The following FOXK2 variants were observed in gnomAD, a reference collection of about 807,000 sequenced individuals.
FOXK2 encodes the protein forkhead box protein K2.
Under a neutral mutation model 53.3 loss-of-function variants are expected in FOXK2, and 24 were observed. That is an observed-to-expected ratio of 0.45 (90% confidence interval 0.33 to 0.63). FOXK2 has a LOEUF of 0.63. FOXK2 is among the 30% of genes least tolerant of loss of function. The pLI is 0.03. For synonymous variants in FOXK2, 505 were observed against 407.1 expected, an observed-to-expected ratio of 1.24 and a Z score of -2.89; for missense variants, 952 against 910.5, an observed-to-expected ratio of 1.05 and a Z score of -0.59.
chr17:82,571,959 T>C (rs983765486), intron 4 of FOXK2, 89 bp downstream of exon 4: 1 of 1,330,508 alleles, frequency 7.5e-7, no homozygotes. Flanking sequence ...AGGCACAGGA[T>C]AGGAAGGTAG....
intron 1 of FOXK2, among the ~76,000 whole-genome samples, chr17:82,547,135 G>A (rs2044634277): frequency 6.6e-6 from 1 of 151,618 alleles, no homozygotes; most frequent in Non-Finnish European, 1.5e-5. Flanking sequence ...CTCTTATAGT[G>A]TATACTGTCT....
At chr17:82,587,482 G>C (rs1047533608) in intron 8 of FOXK2, 2 of 590,610 alleles carry the variant, frequency 3.4e-6, no homozygotes, top group Non-Finnish European at 3.0e-6. Flanking sequence ...TGCCTGAAAA[G>C]AGATGAGAGT....
chr17:82,546,118 T>TG (rs1313053856), intron 1 of FOXK2, among the ~76,000 whole-genome samples: 2 of 143,326 alleles, frequency 1.4e-5, no homozygotes, highest in African/African-American at 5.2e-5. Flanking sequence ...TGGTTGGTTT[T>TG]TTTTTTTTTT....
intron 4 of FOXK2, among the ~76,000 whole-genome samples, chr17:82,573,556 TCTCTCTCACACACACA>T (rs1433127011): frequency 9.5e-4 from 111 of 116,556 alleles, no homozygotes; most frequent in South Asian, 7.7e-3. Flanking sequence ...TCTCTCTCTC[TCTCTCTCACACACACA>T]CACACACACA....
In FOXK2 at chr17:82,534,237, C is replaced by CCT. The variant is rs552183902; in HGVS notation, c.419+13932_419+13933dup. ...CTCAAGTCTGGGCAGCAGAGCAAAACCTCGACTCGAAAAAAAAAGAAAAGA... is the reference window on the plus strand; with the variant it reads ...CTCAAGTCTGGGCAGCAGAGCAAAACCTCTCGACTCGAAAAAAAAAGAAAAGA... On this transcript the variant is annotated intron_variant, in intron 1 of 8. Coordinates refer to ENST00000335255, the MANE Select transcript of FOXK2 (RefSeq NM_004514.4). Among the ~76,000 whole-genome samples, 99 of 152,132 alleles carry CCT rather than the reference C, an allele frequency of 6.5e-4. 1 individual carries two copies. The highest frequency in any genetic ancestry group is 2.3e-3 in the African/African-American group (95 of 41,508).
intron 1 of FOXK2, among the ~76,000 whole-genome samples, chr17:82,522,645 A>G (rs2044375420): frequency 6.6e-6 from 1 of 151,830 alleles, no homozygotes; most frequent in South Asian, 2.1e-4. Context: ...TGCTGCGATT[A>G]CAGGCATGAG....
chr17:82,594,723 C>T (rs1368718638), intron 8 of FOXK2, among the ~76,000 whole-genome samples: 1 of 152,158 alleles, frequency 6.6e-6, no homozygotes, highest in Non-Finnish European at 1.5e-5. Flanking sequence ...TGTAGATGGA[C>T]TCGCAGAGGA....
At chr17:82,537,715 A>G (rs1004030736) in intron 1 of FOXK2, among the ~76,000 whole-genome samples, 3 of 151,606 alleles carry the variant, frequency 2.0e-5, no homozygotes, top group African/African-American at 4.8e-5. Flanking sequence ...CACGAGGTCA[A>G]GAGATTGAGA....
chr17:82,586,989 T>C (rs773238976), intron 7 of FOXK2, 74 bp from the exon 8 acceptor site: 24 of 1,388,816 alleles, frequency 1.7e-5, no homozygotes, highest in Non-Finnish European at 1.8e-5. Context: ...TATCTGGTTA[T>C]TATGTTTTAA....
At chr17:82,549,578 A>G (rs551083543) in intron 1 of FOXK2, among the ~76,000 whole-genome samples, 3 of 151,812 alleles carry the variant, frequency 2.0e-5, no homozygotes, top group African/African-American at 7.3e-5. Context: ...GGGGGGCAAA[A>G]CCCCCCAAAT....
At chr17:82,565,087 C>A (rs2044839430) in intron 2 of FOXK2, among the ~76,000 whole-genome samples, 1 of 152,086 alleles carries the variant, frequency 6.6e-6, no homozygotes, top group African/African-American at 2.4e-5. Flanking sequence ...TTCAGACTTC[C>A]CAACAAGTGG....
At chr17:82,596,808 C>T (rs905624035) in intron 8 of FOXK2, among the ~76,000 whole-genome samples, 1 of 152,200 alleles carries the variant, frequency 6.6e-6, no homozygotes, top group African/African-American at 2.4e-5. Flanking sequence ...CTTGATTTCA[C>T]GTTTGTTTTA....
At chr17:82,576,260 G>A (rs1034209975) in intron 4 of FOXK2, among the ~76,000 whole-genome samples, 52 of 147,588 alleles carry the variant, frequency 3.5e-4, no homozygotes, top group African/African-American at 7.5e-4. Flanking sequence ...GTGTGTGCTC[G>A]GGTGGCGGCG....
chr17:82,557,127 G>T (rs1271378648), intron 1 of FOXK2, among the ~76,000 whole-genome samples: 1 of 151,406 alleles, frequency 6.6e-6, no homozygotes, highest in East Asian at 1.9e-4. Context: ...CCACCTCCCA[G>T]GCTCAAGCAA....
chr17:82,593,126 A>G (rs901675226), intron 8 of FOXK2, among the ~76,000 whole-genome samples: 30 of 147,724 alleles, frequency 2.0e-4, no homozygotes, highest in African/African-American at 7.1e-4. Context: ...CTGAAAGCAG[A>G]CCCCGTGAAG....
chr17:82,546,114 G>T lies in FOXK2; in HGVS notation c.420-17240G>T, dbSNP rs4789785. Among the ~76,000 whole-genome samples, 2,489 of 101,708 alleles carry T rather than the reference G, an allele frequency of 0.024. 240 individuals carry two copies. The East Asian group carries it at 0.26, about 10-fold the overall frequency. 66.7% of individuals were successfully genotyped at this position (101,708 alleles called of 152,430 possible). A position where few individuals can be genotyped will look rare whatever the true frequency, so the allele number is the denominator to read the frequency against. ...GCTTACTTGCTACCAAGCATGGTTGGTTTTTTTTTTTTTTTTTTTTGAGAT... is the reference window on the plus strand; with the variant it reads ...GCTTACTTGCTACCAAGCATGGTTGTTTTTTTTTTTTTTTTTTTTTGAGAT... On this transcript the variant is annotated intron_variant, in intron 1 of 8. Transcript: ENST00000335255.
intron 8 of FOXK2, chr17:82,599,147 G>A (rs1256096058): frequency 1.3e-5 from 2 of 149,594 alleles, no homozygotes; most frequent in South Asian, 2.1e-4. Context: ...CCCCAGACTG[G>A]AGTGCAATGG....
chr17:82,549,704 C>A (rs2044658049), intron 1 of FOXK2, among the ~76,000 whole-genome samples: 1 of 152,244 alleles, frequency 6.6e-6, no homozygotes, highest in East Asian at 1.9e-4. Context: ...TACAGAGCTG[C>A]TCATCACATG....
At chr17:82,550,735 G>C (rs1290191135) in intron 1 of FOXK2, among the ~76,000 whole-genome samples, 2 of 152,004 alleles carry the variant, frequency 1.3e-5, no homozygotes, top group African/African-American at 4.8e-5. Context: ...TCGATCTTCT[G>C]ACCTTGTGAT....
Sources: allele counts gnomAD v4.1 joint callset (sites outside exome capture counted in the v4.1 genomes callset), GRCh38; gene constraint gnomAD v4.1.1; transcripts MANE v1.5; gene names NCBI Gene and HGNC (gene_info 2026-07-23, HGNC 2026-07-21).